CAMK4: variants seen among roughly 807,000 people sequenced by gnomAD.
CAMK4 encodes calcium/calmodulin-dependent protein kinase type IV.
Under a neutral mutation model 44.9 loss-of-function variants are expected in CAMK4, and 22 were observed. The observed-to-expected ratio is 0.49, with a 90% CI of 0.35 to 0.70. The LOEUF is 0.70. Among genes scored for constraint, CAMK4 ranks in the 30% least tolerant of loss-of-function variants. The pLI is 0.01. For missense variants in CAMK4, 498 were observed against 586.8 expected (o/e 0.85, Z 1.56); for synonymous variants, 218 against 215.4 (o/e 1.01, Z -0.11).
chr5:111,346,091 C>T (rs889260088), intron 2 of CAMK4, among the ~76,000 whole-genome samples: 5 of 151,846 alleles, frequency 3.3e-5, no homozygotes, highest in Non-Finnish European at 7.4e-5. Flanking sequence ...CAGACAAAAC[C>T]TCAAAGACCA....
chr5:111,424,530 C>T (rs145750614), intron 5 of CAMK4, among the ~76,000 whole-genome samples: 64 of 146,854 alleles, frequency 4.4e-4, no homozygotes, highest in African/African-American at 1.4e-3. Flanking sequence ...CTGCAAGCTC[C>T]GCCTCCTGAG....
chr5:111,487,331 T>A lies in CAMK4; in HGVS notation c.*2865T>A, dbSNP rs1340711032. On this transcript the variant is annotated 3_prime_UTR_variant, in exon 11 of 11. Transcript: ENST00000282356. Reference sequence around the variant, plus strand: ...ACATAGCATAAACTAGGTTTTTTTTTATAACCATGAAGGACAGTCTTGAAT... The same window carrying A: ...ACATAGCATAAACTAGGTTTTTTTTAATAACCATGAAGGACAGTCTTGAAT... 3.9e-5 allele frequency: 6 copies of A among 152,310 alleles called. No individual in the cohort carries two copies. The highest frequency in any genetic ancestry group is 1.2e-4 in the African/African-American group (5 of 41,564). The allele number at this position is 152,310 out of a possible 1,614,324, so 9.4% of individuals were successfully genotyped here. A position where few individuals can be genotyped will look rare whatever the true frequency, so the allele number is the denominator to read the frequency against.
At chr5:111,402,157 A>C (rs1052759527) in intron 5 of CAMK4, among the ~76,000 whole-genome samples, 8 of 152,242 alleles carry the variant, frequency 5.3e-5, no homozygotes, top group African/African-American at 1.9e-4. Flanking sequence ...TTTCTCTTCT[A>C]GCCTGCCACT....
intron 1 of CAMK4, among the ~76,000 whole-genome samples, chr5:111,330,502 TTTGTTG>T (rs138320661): frequency 1.3e-5 from 2 of 150,780 alleles, no homozygotes; most frequent in Admixed American, 6.6e-5. Context: ...TGTTTGGTTT[TTTGTTG>T]TTGTTGTTTG....
chr5:111,483,964 T>G, intron 10 of CAMK4, 62 bp from the exon 11 acceptor site: 9 of 1,263,582 alleles, frequency 7.1e-6, no homozygotes, highest in Middle Eastern at 2.7e-4. Context: ...AAGCTGGGGT[T>G]GAGCTCTGAT....
In CAMK4 at chr5:111,492,412, C is replaced by G. The variant is rs1250463796; in HGVS notation, c.*7946C>G. 6.6e-6 allele frequency: 1 copy of G among 152,058 alleles called. No individual in the cohort carries two copies. Among genetic ancestry groups the G allele is most frequent in the Non-Finnish European group, 1.5e-5 (1 of 68,012 alleles). The allele number at this position is 152,058 out of a possible 1,614,324, so 9.4% of individuals were successfully genotyped here. ...AAAAGATATCAATCTTCTGCCAGTC[C>G]GCATCATTATGTGTAGCAGAGACTT... On this transcript the variant is annotated 3_prime_UTR_variant, in exon 11 of 11. Coordinates refer to ENST00000282356, the MANE Select transcript of CAMK4 (RefSeq NM_001744.6).
chr5:111,362,376 G>A (rs1750627726), intron 2 of CAMK4, among the ~76,000 whole-genome samples: 1 of 152,018 alleles, frequency 6.6e-6, no homozygotes, highest in Non-Finnish European at 1.5e-5. Context: ...TGGGCCTTAG[G>A]AAGGTGTTTT....
intron 4 of CAMK4, among the ~76,000 whole-genome samples, chr5:111,392,348 C>G (rs1037698238): frequency 1.3e-5 from 2 of 152,066 alleles, no homozygotes; most frequent in African/African-American, 4.8e-5. Flanking sequence ...TATAAGATCT[C>G]ATGACAACTC....
chr5:111,293,789 C>T (rs1388287409), intron 1 of CAMK4, among the ~76,000 whole-genome samples: 1 of 148,742 alleles, frequency 6.7e-6, no homozygotes, highest in Non-Finnish European at 1.5e-5. Flanking sequence ...CTCTGTCACC[C>T]AGGCTGGAGT....
At chr5:111,467,934 TCACACACACACACACACACA>T (rs60254627) in intron 7 of CAMK4, among the ~76,000 whole-genome samples, 1 of 143,460 alleles carries the variant, frequency 7.0e-6, no homozygotes, top group South Asian at 2.3e-4. Context: ...AAAGAAATTG[TCACACACACACACACACACA>T]CACACACACA....
chr5:111,348,576 A>G (rs1453516296), intron 2 of CAMK4, among the ~76,000 whole-genome samples: 1 of 152,070 alleles, frequency 6.6e-6, no homozygotes, highest in Non-Finnish European at 1.5e-5. Flanking sequence ...ATTGGAATGC[A>G]TTAAATTACA....
intron 9 of CAMK4, among the ~76,000 whole-genome samples, chr5:111,479,040 C>A (rs1362461057): frequency 6.6e-6 from 1 of 152,100 alleles, no homozygotes; most frequent in Non-Finnish European, 1.5e-5. Context: ...CCACACCCAG[C>A]TAATTTTTAA....
chr5:111,226,924 A>G (rs867322743), intron 1 of CAMK4, among the ~76,000 whole-genome samples: 1 of 152,236 alleles, frequency 6.6e-6, no homozygotes, highest in Non-Finnish European at 1.5e-5. Context: ...CCCTCTGTCT[A>G]TACATTGCTA....
intron 1 of CAMK4, among the ~76,000 whole-genome samples, chr5:111,253,645 T>A (rs1002353606): frequency 6.6e-6 from 1 of 152,218 alleles, no homozygotes; most frequent in East Asian, 1.9e-4. Context: ...TTTGCTAAAA[T>A]GCTTAGCTAC....
intron 2 of CAMK4, among the ~76,000 whole-genome samples, chr5:111,367,218 G>T (rs1050177356): frequency 1.3e-5 from 2 of 150,850 alleles, no homozygotes; most frequent in African/African-American, 4.9e-5. Flanking sequence ...TCCCATGGCA[G>T]ATGGGCAGGA....
At position 111,484,645 on chromosome 5, in the gene CAMK4, A is replaced by G; in HGVS notation, c.*179A>G. The G allele has an allele frequency of 2.4e-6, 1 of 422,716 alleles. No homozygotes were observed. The allele number at this position is 422,716 out of a possible 1,614,324, so 26.2% of individuals were successfully genotyped here. ...TGCATGTGACTGCTTTATGAAAATAATAGTGTCTTCTATGGCATGTAATGG... is the reference window on the plus strand; with the variant it reads ...TGCATGTGACTGCTTTATGAAAATAGTAGTGTCTTCTATGGCATGTAATGG... On this transcript the variant is annotated 3_prime_UTR_variant, in exon 11 of 11. Transcript: ENST00000282356. The surrounding 1 kb of genome is among the most constrained non-coding windows in gnomAD (Gnocchi z 5.3).
At chr5:111,402,158 G>T (rs202123116) in intron 5 of CAMK4, among the ~76,000 whole-genome samples, 1 of 152,224 alleles carries the variant, frequency 6.6e-6, no homozygotes, top group African/African-American at 2.4e-5. Context: ...TTCTCTTCTA[G>T]CCTGCCACTC....
At chr5:111,385,604 C>G (rs187584504) in intron 4 of CAMK4, among the ~76,000 whole-genome samples, 142 of 152,134 alleles carry the variant, frequency 9.3e-4, no homozygotes, top group African/African-American at 3.2e-3. Flanking sequence ...GACAGAGTCT[C>G]CCTCTGTCGC....
chr5:111,383,978 G>C (rs1270742666), intron 4 of CAMK4, among the ~76,000 whole-genome samples: 2 of 152,200 alleles, frequency 1.3e-5, no homozygotes, highest in Non-Finnish European at 2.9e-5. Context: ...AAGCAAAACA[G>C]TGGTTTCCTA....
Sources: allele counts gnomAD v4.1 joint callset (sites outside exome capture counted in the v4.1 genomes callset), GRCh38; gene constraint gnomAD v4.1.1; non-coding constraint Gnocchi (gnomAD v3.1); transcripts MANE v1.5; gene names NCBI Gene and HGNC (gene_info 2026-07-23, HGNC 2026-07-21).